FHOD1: variants seen among roughly 807,000 people sequenced by gnomAD.
FHOD1 encodes the protein formin homology 2 domain containing 1, also known as FH1/FH2 domain-containing protein 1.
A neutral mutation model predicts 111.6 loss-of-function variants in FHOD1; 89 were observed. That is an observed-to-expected ratio of 0.80 (90% CI 0.67 to 0.95). The LOEUF is 0.95. Ranked by LOEUF, FHOD1 falls within the 40% of genes least tolerant of loss-of-function variation. The pLI is 0.00. For synonymous variants in FHOD1, 618 were observed against 639.0 expected (o/e 0.97, Z 0.50); for missense variants, 1,446 against 1,554.2 (o/e 0.93, Z 1.17).
intron 1 of FHOD1, among the ~76,000 whole-genome samples, chr16:67,246,135 GGCGGGGCTGGCCGCAGCGCGAGGAAT>G (rs1776348590): frequency 6.6e-6 from 1 of 152,264 alleles, no homozygotes; most frequent in Non-Finnish European, 1.5e-5. Context: ...AGCGCTCAGA[GGCGGGGCTGGCCGCAGCGCGAGGAAT>G]GCGGGCTGGG....
chr16:67,236,997 C>T lies in FHOD1; in HGVS notation c.1111G>A (p.Gly371Arg), dbSNP rs1217158444. 4 of 1,606,408 alleles carry T rather than the reference C, an allele frequency of 2.5e-6. No individual in the cohort carries two copies. The highest frequency in any genetic ancestry group is 2.5e-6 in the Non-Finnish European group (3 of 1,176,740). Residue 371 changes from glycine (G) to arginine (R), a missense_variant, in exon 10 of 22, where the codon GGG (glycine) becomes AGG (arginine). Gly to Arg is a moderately radical substitution (Grantham distance 125, BLOSUM62 -2). This residue lies in a region of FHOD1 where 1,085 missense variants were observed against 1,108.8 expected (regional missense o/e 0.98). Transcript: ENST00000258201. ...GKRSRRSLEG[G>R]GCPARAPEPG... is the part of the protein sequence containing the mutation. ...TCCGGGGCACGCGCGGGGCAGCCCC[C>T]GCCTTCCAGAGAACGGCGGCTCCTC...
chr16:67,231,144 C>T lies in FHOD1; in HGVS notation c.2667+44G>A, dbSNP rs1342518666. On this transcript the variant is annotated intron_variant, in intron 17 of 21. Coordinates refer to ENST00000258201, the MANE Select transcript of FHOD1 (RefSeq NM_013241.3). The surrounding 1 kb of genome is among the most constrained non-coding windows in gnomAD (Gnocchi z 4.3). ...GGAGCCAGGCCCAGGAAGCAGCGCT[C>T]CTCATGCCTTGTCCGGCCTTGGTTG... 6.2e-7 allele frequency: 1 copy of T among 1,608,504 alleles called. No homozygotes were observed. Among genetic ancestry groups the T allele is most frequent in the South Asian group, 1.1e-5 (1 of 90,310 alleles).
intron 11 of FHOD1, among the ~76,000 whole-genome samples, chr16:67,235,306 G>C (rs2034436404): frequency 6.6e-6 from 1 of 152,114 alleles, no homozygotes; most frequent in Non-Finnish European, 1.5e-5. Flanking sequence ...GAGGTGGGTG[G>C]ATTACTTGAA....
intron 1 of FHOD1, among the ~76,000 whole-genome samples, chr16:67,243,801 A>T (rs1291063337): frequency 6.6e-6 from 1 of 152,128 alleles, no homozygotes; most frequent in Non-Finnish European, 1.5e-5. Context: ...ACACCAATAG[A>T]CACACGCACC....
rs1204506136 is a variant in FHOD1 at position 67,237,815 on chromosome 16, G to T, written c.643-47C>A. 2 of 1,543,148 alleles carry T rather than the reference G, an allele frequency of 1.3e-6. No homozygotes were observed. The highest frequency in any genetic ancestry group is 2.7e-5 in the African/African-American group (2 of 73,522). On this transcript the variant is annotated intron_variant, in intron 6 of 21. Coordinates refer to ENST00000258201, the MANE Select transcript of FHOD1 (RefSeq NM_013241.3). This position sits in a 1 kb window ranked among gnomAD's most constrained non-coding sequence, Gnocchi z 5.6. ...TATGAGTGGGGCTTAGGCCAGACCT[G>T]TGCCAGCTGTTGCTGGGGAAGGGGA... is the stretch of plus-strand genomic sequence containing the variant.
At chr16:67,236,812 C>T (rs991335777) in intron 10 of FHOD1, 79 bp from the exon 11 acceptor site, 2 of 94,132 alleles carry the variant, frequency 2.1e-5, no homozygotes. Context: ...GCCTGCGGGG[C>T]GGGAGGTGGG....
At position 67,237,836 on chromosome 16, in the gene FHOD1, G is replaced by T; in HGVS notation, c.643-68C>A. 1 of 1,479,680 alleles carries T rather than the reference G, an allele frequency of 6.8e-7. No homozygotes were observed. Among genetic ancestry groups the T allele is most frequent in the Non-Finnish European group, 9.4e-7 (1 of 1,059,506 alleles). The allele number at this position is 1,479,680 out of a possible 1,614,324, so 91.7% of individuals were successfully genotyped here. A position where few individuals can be genotyped will look rare whatever the true frequency, so the allele number is the denominator to read the frequency against. ...ACCTGTGCCAGCTGTTGCTGGGGAA[G>T]GGGAAGGGCTGCTGGGGCTGGACCC... On this transcript the variant is annotated intron_variant, in intron 6 of 21. Transcript: ENST00000258201. This position sits in a 1 kb window ranked among gnomAD's most constrained non-coding sequence, Gnocchi z 5.6.
At position 67,237,876 on chromosome 16, in the gene FHOD1, C is replaced by G; in HGVS notation, c.643-108G>C. On this transcript the variant is annotated intron_variant, in intron 6 of 21. Coordinates refer to ENST00000258201, the MANE Select transcript of FHOD1 (RefSeq NM_013241.3). This position sits in a 1 kb window ranked among gnomAD's most constrained non-coding sequence, Gnocchi z 5.6. Reference sequence around the variant, plus strand: ...GGGCTGGACCCAGAGAGAATCTAGGCAGAATGACCCTGGCCCCAGGCCCAG... The same window carrying G: ...GGGCTGGACCCAGAGAGAATCTAGGGAGAATGACCCTGGCCCCAGGCCCAG... 1 of 1,330,716 alleles carries G rather than the reference C, an allele frequency of 7.5e-7. No individual in the cohort carries two copies. The highest frequency in any genetic ancestry group is 1.1e-6 in the Non-Finnish European group (1 of 933,942). 82.4% of individuals were successfully genotyped at this position (1,330,716 alleles called of 1,614,324 possible). A position where few individuals can be genotyped will look rare whatever the true frequency, so the allele number is the denominator to read the frequency against.
chr16:67,236,941 C>T (rs769395630), intron 10 of FHOD1, 25 bp downstream of exon 10: 8 of 1,453,188 alleles, frequency 5.5e-6, no homozygotes, highest in Non-Finnish European at 7.4e-6. Context: ...TCCACCCTTT[C>T]CCATCTACAG....
rs1208201473 is a variant in FHOD1, at chr16:67,237,755, A to G, written c.656T>C (p.Val219Ala). The G allele has an allele frequency of 6.2e-7, 1 of 1,614,096 alleles. No individual in the cohort carries two copies. Among genetic ancestry groups the G allele is most frequent in the Non-Finnish European group, 8.5e-7 (1 of 1,179,968 alleles). ...TLCASLSRLVVKTALKLLLVF... is the reference protein window; with the variant it reads ...TLCASLSRLVAKTALKLLLVF... ...CAACAGCAGCTTCAGGGCTGTCTTC[A>G]CCACCAAGCGGGACTGAGGAGAGAG... The change falls in exon 7 of 22, where the codon GTG (valine) becomes GCG (alanine). Residue 219 changes from valine to alanine, a missense_variant. Val to Ala is a moderately conservative substitution (Grantham distance 64). This residue lies in a region of FHOD1 where 234 missense variants were observed against 327.4 expected (regional missense o/e 0.71). Transcript: ENST00000258201. This position sits in a 1 kb window ranked among gnomAD's most constrained non-coding sequence, Gnocchi z 5.6.
Position 67,233,878 on chromosome 16 carries a change from G to A in FHOD1, c.1825C>T (p.Pro609Ser), listed in dbSNP as rs780261895. The A allele has an allele frequency of 1.9e-5, 31 of 1,605,510 alleles. No homozygotes were observed. Among genetic ancestry groups the A allele is most frequent in the Non-Finnish European group, 2.6e-5 (30 of 1,176,136 alleles). Residue 609 changes from proline to serine, a missense_variant, in exon 13 of 22, where the codon CCT becomes TCT. By Grantham distance (74) the Pro-to-Ser change is moderately conservative. Coordinates refer to ENST00000258201, the MANE Select transcript of FHOD1 (RefSeq NM_013241.3). ...CTGTCAGGCACTGAATGGGGAAGAG[G>A]GGCAGCCAGAGGTAGAGGTGGAGGT... is the stretch of plus-strand genomic sequence containing the variant. ...PPPPPLPLAA[P>S]LPHSVPDSSA...
chr16:67,232,970 T>C (rs904723954), intron 13 of FHOD1, among the ~76,000 whole-genome samples: 14 of 152,138 alleles, frequency 9.2e-5, no homozygotes, highest in African/African-American at 3.4e-4. Flanking sequence ...TTGGCCAGGC[T>C]GGTCTCAAAC....
intron 1 of FHOD1, among the ~76,000 whole-genome samples, chr16:67,246,243 G>A (rs900514961): frequency 3.3e-5 from 5 of 152,170 alleles, no homozygotes; most frequent in African/African-American, 1.2e-4. Flanking sequence ...CCCAGCTGAG[G>A]CTGGGAGCAG....
chr16:67,236,981 C>G lies in FHOD1; in HGVS notation c.1127G>C (p.Arg376Pro). ...RSLEGGGCPA[R>P]APEPGPTGPA... ...TCGTACTTACCCAGGTTCCGGGGCA[C>G]GCGCGGGGCAGCCCCCGCCTTCCAG... Residue 376 changes from arginine to proline, a missense_variant, in exon 10 of 22, where the codon CGT becomes CCT. Physicochemically the swap from Arg to Pro is moderately radical, Grantham distance 103 (BLOSUM62 -2). Around this residue, in one of 3 missense-constraint regions of FHOD1, gnomAD observed 1,085 missense variants for 1,108.8 expected, o/e 0.98. Transcript: ENST00000258201. The G allele has an allele frequency of 6.3e-7, 1 of 1,594,616 alleles. No homozygotes were observed. The highest frequency in any genetic ancestry group is 1.1e-5 in the South Asian group (1 of 88,790).
In FHOD1 at chr16:67,237,212, C is replaced by T. The variant is rs1343266668; in HGVS notation, c.993+27G>A. 6 of 1,607,414 alleles carry T rather than the reference C, an allele frequency of 3.7e-6. No individual in the cohort carries two copies. The highest frequency in any genetic ancestry group is 2.2e-5 in the East Asian group (1 of 44,704). ...GCTTCTCTCTTCCCTCTTTCCAATC[C>T]GCCTCAGAGCGTAAGGCCCGGCCCA... On this transcript the variant is annotated intron_variant, in intron 9 of 21. Transcript: ENST00000258201. The surrounding 1 kb of genome is among the most constrained non-coding windows in gnomAD (Gnocchi z 5.6).
intron 2 of FHOD1, 59 bp downstream of exon 2, chr16:67,239,289 G>C (rs931309733): frequency 1.5e-6 from 2 of 1,320,942 alleles, no homozygotes; most frequent in African/African-American, 2.9e-5. Context: ...GCTGACATTT[G>C]AGCTAGCCCC....
intron 2 of FHOD1, 134 bp from the exon 3 acceptor site, chr16:67,239,101 C>G: frequency 1.1e-6 from 1 of 895,156 alleles, no homozygotes; most frequent in South Asian, 1.5e-5. Flanking sequence ...TCCAAGAACC[C>G]AAGGGTTGGT....
Position 67,236,724 on chromosome 16 carries a change from G to T in FHOD1, c.1152C>A (p.Gly384=). 6.5e-7 allele frequency: 1 copy of T among 1,549,940 alleles called. No individual in the cohort carries two copies. Among genetic ancestry groups the T allele is most frequent in the Non-Finnish European group, 8.7e-7 (1 of 1,147,598 alleles). Residue 384 remains glycine (G), a synonymous_variant, in exon 11 of 22, where the codon GGC becomes GGA. Transcript: ENST00000258201. ...PARAPEPGPT[G]PASPVGPTSS... Reference sequence around the variant, plus strand: ...AGGTGGGGCCTACCGGTGAGGCGGGGCCTGTGGGGCTGAAAGCAGGGGCTG... The same window carrying T: ...AGGTGGGGCCTACCGGTGAGGCGGGTCCTGTGGGGCTGAAAGCAGGGGCTG...
At chr16:67,246,384 G>A (rs2034832448) in intron 1 of FHOD1, among the ~76,000 whole-genome samples, 2 of 152,208 alleles carry the variant, frequency 1.3e-5, no homozygotes, top group South Asian at 2.1e-4. Context: ...GGAAAGGGCT[G>A]CCTGCGGGGG....
Sources: allele counts gnomAD v4.1 joint callset (sites outside exome capture counted in the v4.1 genomes callset), GRCh38; gene constraint gnomAD v4.1.1; regional missense constraint gnomAD v4.1.1; non-coding constraint Gnocchi (gnomAD v3.1); transcripts MANE v1.5; gene names NCBI Gene and HGNC (gene_info 2026-07-23, HGNC 2026-07-21).